PIK3R1: variants seen among roughly 807,000 people sequenced by gnomAD.
PIK3R1 encodes phosphatidylinositol 3-kinase regulatory subunit alpha.
In PIK3R1, 29 loss-of-function variants were observed where a neutral mutation model predicts 98.0. The observed-to-expected ratio is 0.30, with a 90% CI of 0.22 to 0.40. PIK3R1 has a LOEUF of 0.40. Among genes scored for constraint, PIK3R1 ranks in the 10% least tolerant of loss-of-function variants. The pLI, the probability that PIK3R1 is intolerant of heterozygous loss-of-function variation, is 1.00. For synonymous variants in PIK3R1, 282 were observed against 311.8 expected, an observed-to-expected ratio of 0.90 and a Z score of 1.01; for missense variants, 596 against 872.7, an observed-to-expected ratio of 0.68 and a Z score of 3.99.
Position 68,288,493 on chromosome 5 carries a change from CG to C in PIK3R1, c.917-3762del. The C allele has an allele frequency of 1.1e-5, 14 of 1,311,514 alleles. No individual in the cohort carries two copies. In the South Asian group the frequency reaches 2.6e-4, roughly 24 times the overall value. 81.2% of individuals were successfully genotyped at this position (1,311,514 alleles called of 1,614,324 possible). On this transcript the variant is annotated intron_variant, in intron 7 of 15. Coordinates refer to ENST00000521381, the MANE Select transcript of PIK3R1 (RefSeq NM_181523.3). ...GCGGTGGCCCGGACGCACTGCCGGG[CG>C]GGGCGTGGGGCGGAGGGACGAGCCG... is the stretch of plus-strand genomic sequence containing the variant.
intron 14 of PIK3R1, 108 bp from the exon 15 acceptor site, chr5:68,296,063 T>C (rs1213588929): frequency 8.5e-6 from 9 of 1,057,554 alleles, no homozygotes; most frequent in Non-Finnish European, 1.1e-5. Context: ...CTGACTGGCT[T>C]GGTAGGGGCC....
intron 2 of PIK3R1, chr5:68,239,784 G>A (rs1305005295): frequency 1.9e-5 from 9 of 467,144 alleles, no homozygotes; most frequent in Non-Finnish European, 3.0e-5. Context: ...TGCCAGTGAC[G>A]TGTGATGCGG....
At chr5:68,245,343 A>T (rs1745043044) in intron 2 of PIK3R1, among the ~76,000 whole-genome samples, 2 of 152,226 alleles carry the variant, frequency 1.3e-5, no homozygotes, top group African/African-American at 4.8e-5. Flanking sequence ...TTGAGTTTTA[A>T]ATATGCTGTT....
intron 7 of PIK3R1, among the ~76,000 whole-genome samples, chr5:68,284,280 GA>G (rs917818470): frequency 6.6e-6 from 1 of 152,204 alleles, no homozygotes; most frequent in Non-Finnish European, 1.5e-5. Flanking sequence ...TTAGTTGTGT[GA>G]ATCCTGTCAG....
intron 7 of PIK3R1, among the ~76,000 whole-genome samples, chr5:68,281,253 G>A (rs1359909888): frequency 6.6e-6 from 1 of 152,152 alleles, no homozygotes; most frequent in African/African-American, 2.4e-5. Context: ...AGAGTTCCCT[G>A]TACCCTTCAA....
chr5:68,256,976 G>A (rs1189890420), intron 2 of PIK3R1, among the ~76,000 whole-genome samples: 1 of 152,138 alleles, frequency 6.6e-6, no homozygotes, highest in Non-Finnish European at 1.5e-5. Context: ...GGCCACTCCA[G>A]GGAGAGGGAA....
intron 2 of PIK3R1, among the ~76,000 whole-genome samples, chr5:68,250,714 A>G (rs557587621): frequency 6.6e-6 from 1 of 152,158 alleles, no homozygotes; most frequent in Non-Finnish European, 1.5e-5. Context: ...AGCTTTGGAA[A>G]CACAATCCAC....
chr5:68,275,643 G>A (rs1746541197), intron 4 of PIK3R1, among the ~76,000 whole-genome samples: 2 of 151,956 alleles, frequency 1.3e-5, no homozygotes, highest in Non-Finnish European at 2.9e-5. Context: ...ATAGAAAACT[G>A]GTTTCATTTG....
chr5:68,234,055 A>G (rs747026042), intron 2 of PIK3R1, among the ~76,000 whole-genome samples: 8 of 152,344 alleles, frequency 5.3e-5, no homozygotes, highest in Middle Eastern at 3.4e-3. Flanking sequence ...TTGATGATCA[A>G]ATCTGATATC....
chr5:68,297,784 A>G lies in PIK3R1; in HGVS notation c.*183A>G, dbSNP rs1213835571. The G allele has an allele frequency of 2.0e-6, 1 of 509,972 alleles. No individual in the cohort carries two copies. Among genetic ancestry groups the G allele is most frequent in the South Asian group, 3.5e-5 (1 of 28,726 alleles). The allele number at this position is 509,972 out of a possible 1,614,324, so 31.6% of individuals were successfully genotyped here. A position where few individuals can be genotyped will look rare whatever the true frequency, so the allele number is the denominator to read the frequency against. On this transcript the variant is annotated 3_prime_UTR_variant, in exon 16 of 16. Transcript: ENST00000521381. ...GGGAAGACATGCAGCCTAAGGCTGT[A>G]TGATGACCACACGTTCCTAAGCTGG...
intron 1 of PIK3R1, among the ~76,000 whole-genome samples, chr5:68,222,592 TA>T (rs775576394): frequency 1.3e-3 from 197 of 152,308 alleles, no homozygotes; most frequent in Admixed American, 2.3e-3. Context: ...GGACACATTT[TA>T]ATGAAGTCTC....
rs1416212481 is a variant in PIK3R1, at chr5:68,301,499, T to C, written c.*3898T>C. 2 of 145,254 alleles carry C rather than the reference T, an allele frequency of 1.4e-5. No individual in the cohort carries two copies. The highest frequency in any genetic ancestry group is 5.2e-5 in the African/African-American group (2 of 38,316). 9.0% of individuals were successfully genotyped at this position (145,254 alleles called of 1,614,324 possible). A position where few individuals can be genotyped will look rare whatever the true frequency, so the allele number is the denominator to read the frequency against. On this transcript the variant is annotated 3_prime_UTR_variant, in exon 16 of 16. Transcript: ENST00000521381. ...ATACATATATGTATATATATGCACATATATATATGTATTTAAAAAAATCAA... is the reference window on the plus strand; with the variant it reads ...ATACATATATGTATATATATGCACACATATATATGTATTTAAAAAAATCAA...
intron 7 of PIK3R1, among the ~76,000 whole-genome samples, chr5:68,289,785 A>G (rs953941040): frequency 2.1e-5 from 3 of 140,758 alleles, no homozygotes; most frequent in Non-Finnish European, 3.0e-5. Flanking sequence ...AAAAAAAAAA[A>G]AGTGATTACA....
At position 68,216,597 on chromosome 5, in the gene PIK3R1, G is replaced by T. The variant is rs72770171; in HGVS notation, c.-387+648G>T. 4.9e-3 allele frequency among the ~76,000 whole-genome samples: 746 copies of T among 152,294 alleles called. 1 individual carries two copies. The highest frequency in any genetic ancestry group is 7.2e-3 in the Non-Finnish European group (491 of 68,032). Reference sequence around the variant, plus strand: ...TCAGCGTTTATTGCCAGCCAAGCTTGGGCAGGTTGTTGGAGGCATATTTAG... The same window carrying T: ...TCAGCGTTTATTGCCAGCCAAGCTTTGGCAGGTTGTTGGAGGCATATTTAG... On this transcript the variant is annotated intron_variant, in intron 1 of 15. Transcript: ENST00000521381.
chr5:68,228,359 C>A (rs1202460908), intron 2 of PIK3R1, among the ~76,000 whole-genome samples: 2 of 152,068 alleles, frequency 1.3e-5, no homozygotes, highest in Non-Finnish European at 2.9e-5. Context: ...ATTAATGATA[C>A]CTGAAGGGAA....
intron 2 of PIK3R1, among the ~76,000 whole-genome samples, chr5:68,257,626 T>C (rs895709237): frequency 2.0e-5 from 3 of 152,226 alleles, no homozygotes; most frequent in African/African-American, 4.8e-5. Context: ...CAGAGTAGTT[T>C]AACATTTTCA....
intron 2 of PIK3R1, among the ~76,000 whole-genome samples, chr5:68,262,818 G>GATACATGTAGATACATGT (rs1326503484): frequency 1.1e-5 from 1 of 94,956 alleles, no homozygotes; most frequent in Non-Finnish European, 2.1e-5. Flanking sequence ...TATACATGTA[G>GATACATGTAGATACATGT]ATACATGTAG....
Position 68,224,011 on chromosome 5 carries a change from A to C in PIK3R1, c.-386-2279A>C, listed in dbSNP as rs533425213. Among the ~76,000 whole-genome samples, 39 of 152,232 alleles carry C rather than the reference A, an allele frequency of 2.6e-4. No individual in the cohort carries two copies. In the South Asian group the frequency reaches 5.4e-3, roughly 21 times the overall value. Reference sequence around the variant, plus strand: ...TGGAATAAAGGAAGTGTTAGGAAGCAGCTGGCATAAAGATCTACCCAGCCT... The same window carrying C: ...TGGAATAAAGGAAGTGTTAGGAAGCCGCTGGCATAAAGATCTACCCAGCCT... On this transcript the variant is annotated intron_variant, in intron 1 of 15. Transcript: ENST00000521381.
intron 2 of PIK3R1, among the ~76,000 whole-genome samples, chr5:68,273,004 C>T (rs1408059134): frequency 6.6e-6 from 1 of 152,170 alleles, no homozygotes; most frequent in East Asian, 1.9e-4. Context: ...GAGTTCTGCC[C>T]TAGAGTGTGG....
Sources: gnomAD v4.1 joint callset for allele counts (sites outside exome capture counted in the v4.1 genomes callset) on GRCh38, gnomAD v4.1.1 for gene constraint, MANE v1.5 for transcripts, NCBI Gene and HGNC (gene_info 2026-07-23, HGNC 2026-07-21) for gene names.